GAD1: variants seen among roughly 807,000 people sequenced by gnomAD.
The protein encoded by GAD1 is 67 kDa glutamic acid decarboxylase.
In GAD1, 35 loss-of-function variants were observed where a neutral mutation model predicts 75.2. The ratio of observed to expected loss-of-function variants is 0.47; its 90% confidence interval spans 0.36 to 0.62. GAD1 has a LOEUF of 0.62. GAD1 is among the 20% of genes least tolerant of loss of function. The pLI is 0.00. For missense variants in GAD1, 490 were observed against 758.5 expected, an observed-to-expected ratio of 0.65 and a Z score of 4.16; for synonymous variants, 257 against 271.9, an observed-to-expected ratio of 0.95 and a Z score of 0.54.
chr2:170,845,800 G>T lies in GAD1; in HGVS notation c.947+15G>T, dbSNP rs765272565. The T allele has an allele frequency of 1.9e-6, 3 of 1,610,968 alleles. No individual in the cohort carries two copies. In the African/African-American group the frequency reaches 4.0e-5, roughly 22 times the overall value. ...TGCAATGAAAGGTAGGCAGGGGAGGGTGAATATTAGGTTCTTGATGTATTA... is the reference window on the plus strand; with the variant it reads ...TGCAATGAAAGGTAGGCAGGGGAGGTTGAATATTAGGTTCTTGATGTATTA... On this transcript the variant is annotated intron_variant, in intron 9 of 16. Coordinates refer to ENST00000358196, the MANE Select transcript of GAD1 (RefSeq NM_000817.3).
chr2:170,819,296 AAATAAATAAATAAATAAATAGGGG>A (rs1701801870), intron 2 of GAD1, among the ~76,000 whole-genome samples: 1 of 25,102 alleles, frequency 4.0e-5, no homozygotes, highest in South Asian at 3.6e-3. Flanking sequence ...TCAGAGAAAT[AAATAAATAAATAAATAAATAGGGG>A]AGCGGGCGGC....
At chr2:170,814,910 G>A (rs963933375), upstream of GAD1, among the ~76,000 whole-genome samples, 1 of 152,202 alleles carries the variant, frequency 6.6e-6, no homozygotes. Context: ...CACAGGTGAA[G>A]TAAACGAATC....
chr2:170,849,478 G>A (rs1702705052), intron 12 of GAD1, 128 bp downstream of exon 12: 2 of 841,932 alleles, frequency 2.4e-6, no homozygotes, highest in Non-Finnish European at 4.0e-6. Context: ...CTTCAGTTCA[G>A]CAGGCATTTG....
chr2:170,861,081 CTG>C lies in GAD1; in HGVS notation c.*1202_*1203del, dbSNP rs1228916091. On this transcript the variant is annotated 3_prime_UTR_variant, in exon 17 of 17. Transcript: ENST00000358196. ...TGTTTTTGAAGAAGGGAAATTCACACTGTGCGTTTTAGAGTATGCAAGAAGAA... is the reference window on the plus strand; with the variant it reads ...TGTTTTTGAAGAAGGGAAATTCACACTGCGTTTTAGAGTATGCAAGAAGAA... 2.0e-5 allele frequency: 3 copies of C among 152,636 alleles called. No individual in the cohort carries two copies. Among genetic ancestry groups the C allele is most frequent in the African/African-American group, 4.8e-5 (2 of 41,440 alleles). 9.5% of individuals were successfully genotyped at this position (152,636 alleles called of 1,614,324 possible).
chr2:170,815,289 C>A (rs1319505637), upstream of GAD1, among the ~76,000 whole-genome samples: 1 of 152,122 alleles, frequency 6.6e-6, no homozygotes, highest in Non-Finnish European at 1.5e-5. Context: ...ACCGCGCGCC[C>A]CGCCGTTTAG....
upstream of GAD1, among the ~76,000 whole-genome samples, chr2:170,814,273 G>A (rs1701658302): frequency 6.6e-6 from 1 of 152,202 alleles, no homozygotes; most frequent in African/African-American, 2.4e-5. Flanking sequence ...TCAGGAGGGA[G>A]GAGGGCTGGG....
chr2:170,841,366 C>T (rs536593919), intron 6 of GAD1, among the ~76,000 whole-genome samples: 1 of 152,176 alleles, frequency 6.6e-6, no homozygotes, highest in Non-Finnish European at 1.5e-5. Flanking sequence ...AGAAGGACTA[C>T]AGATTTCCTA....
chr2:170,824,867 C>T (rs1701985318), intron 3 of GAD1, among the ~76,000 whole-genome samples: 1 of 152,084 alleles, frequency 6.6e-6, no homozygotes, highest in Non-Finnish European at 1.5e-5. Flanking sequence ...TGTCCTTGGG[C>T]TTCCATCACT....
At chr2:170,815,110 G>A (rs45485091), upstream of GAD1, among the ~76,000 whole-genome samples, 6,856 of 152,196 alleles carry the variant, frequency 0.045, 223 homozygotes, top group Non-Finnish European at 0.07. Flanking sequence ...TTTAGGGAAG[G>A]CTCTAGGAGG....
intron 5 of GAD1, among the ~76,000 whole-genome samples, chr2:170,831,575 C>A (rs1212418154): frequency 7.4e-6 from 1 of 135,146 alleles, no homozygotes; most frequent in African/African-American, 2.9e-5. Context: ...GGCAACATGG[C>A]GAAACCTTGT....
At chr2:170,849,737 A>T (rs4668331) in intron 12 of GAD1, among the ~76,000 whole-genome samples, 32,809 of 152,224 alleles carry the variant, frequency 0.22, 4,032 homozygotes, top group South Asian at 0.37. Flanking sequence ...ACAAGTAGTT[A>T]GAACACAATG....
At chr2:170,829,145 A>G in intron 3 of GAD1, 1 of 392,342 alleles carries the variant, frequency 2.5e-6, no homozygotes, top group South Asian at 2.2e-5. Flanking sequence ...CTCCTCCTTT[A>G]AAGCCCTATC....
At chr2:170,848,393 G>T (rs924493532) in intron 11 of GAD1, among the ~76,000 whole-genome samples, 2 of 151,482 alleles carry the variant, frequency 1.3e-5, no homozygotes, top group Non-Finnish European at 1.5e-5. Context: ...AGCTACTCTG[G>T]AGGCTGAGAC....
In GAD1 at chr2:170,853,411, G is replaced by T. The variant is rs1001171458; in HGVS notation, c.1264-462G>T. ...CTGTAGGAGCCAGAATCTGCACAGC[G>T]TCTTTAGTCCACTCATATGTGGAAT... On this transcript the variant is annotated intron_variant, in intron 13 of 16. Transcript: ENST00000358196. This position sits in a 1 kb window ranked among gnomAD's most constrained non-coding sequence, Gnocchi z 4.1. 4.7e-6 allele frequency: 1 copy of T among 210,752 alleles called. No homozygotes were observed. The highest frequency in any genetic ancestry group is 9.7e-6 in the Non-Finnish European group (1 of 103,398). The allele number at this position is 210,752 out of a possible 1,614,324, so 13.1% of individuals were successfully genotyped here.
chr2:170,851,134 C>A (rs1184945925), intron 12 of GAD1, among the ~76,000 whole-genome samples: 3 of 152,142 alleles, frequency 2.0e-5, no homozygotes, highest in Non-Finnish European at 4.4e-5. Context: ...TCACACTAGA[C>A]TTTTTCTTTT....
chr2:170,828,619 G>GCAC (rs1702114961), intron 3 of GAD1, among the ~76,000 whole-genome samples: 1 of 84,246 alleles, frequency 1.2e-5, no homozygotes, highest in Non-Finnish European at 2.3e-5. Context: ...TGTTGTCCTT[G>GCAC]CCCTCCTCCC....
At chr2:170,815,045 C>T (rs1559263056), upstream of GAD1, among the ~76,000 whole-genome samples, 1 of 152,144 alleles carries the variant, frequency 6.6e-6, no homozygotes, top group Non-Finnish European at 1.5e-5. Context: ...CTGCCCCGTG[C>T]GTCTTGAATG....
chr2:170,824,419 A>C (rs1250303723), intron 3 of GAD1, among the ~76,000 whole-genome samples: 10 of 115,902 alleles, frequency 8.6e-5, no homozygotes, highest in Non-Finnish European at 1.3e-4. Context: ...ACACACACAC[A>C]CCCCTCCCTT....
intron 6 of GAD1, among the ~76,000 whole-genome samples, chr2:170,843,012 A>G (rs752576635): frequency 3.3e-5 from 5 of 152,246 alleles, no homozygotes; most frequent in African/African-American, 9.6e-5. Flanking sequence ...GAGTCAGTCT[A>G]GGCATCTCTT....
Sources: gnomAD v4.1 joint callset for allele counts (sites outside exome capture counted in the v4.1 genomes callset) on GRCh38, gnomAD v4.1.1 for gene constraint, Gnocchi (gnomAD v3.1) non-coding constraint, MANE v1.5 for transcripts, NCBI Gene and HGNC (gene_info 2026-07-23, HGNC 2026-07-21) for gene names.